Variants in TNFRSF10D observed in about 807,000 individuals in gnomAD.
TNFRSF10D encodes the protein TNF receptor superfamily member 10d, also known as tumor necrosis factor receptor superfamily member 10D.
In TNFRSF10D, 28 loss-of-function variants were observed where a neutral mutation model predicts 42.1. The observed-to-expected ratio is 0.66, with a 90% confidence interval of 0.49 to 0.91. The LOEUF (loss-of-function observed/expected upper bound fraction) is 0.91, where lower values mean the gene tolerates loss of function less well. Among genes scored for constraint, TNFRSF10D ranks in the 40% least tolerant of loss-of-function variants. The pLI is 0.00. For synonymous variants in TNFRSF10D, 186 were observed against 189.4 expected (o/e 0.98, Z 0.15); for missense variants, 503 against 486.1 (o/e 1.03, Z -0.33).
At chr8:23,144,729 C>T (rs1159386967) in intron 6 of TNFRSF10D, 94 bp from the exon 7 acceptor site, 29 of 1,447,996 alleles carry the variant, frequency 2.0e-5, no homozygotes, top group Non-Finnish European at 2.5e-5. Context: ...CAACCCCTTC[C>T]AATGAGGTCA....
chr8:23,157,897 G>C (rs2128839566), intron 1 of TNFRSF10D, among the ~76,000 whole-genome samples: 1 of 152,306 alleles, frequency 6.6e-6, no homozygotes, highest in East Asian at 1.9e-4. Context: ...GTTGATAACC[G>C]TGTCTCTAAA....
At chr8:23,156,264 AATTT>A (rs1161910539) in intron 1 of TNFRSF10D, among the ~76,000 whole-genome samples, 531 of 151,642 alleles carry the variant, frequency 3.5e-3, no homozygotes, top group African/African-American at 0.011. Context: ...TTTAATTGTA[AATTT>A]ACATTTAATT....
chr8:23,162,179 G>A (rs1448664576), intron 1 of TNFRSF10D, among the ~76,000 whole-genome samples: 1 of 152,240 alleles, frequency 6.6e-6, no homozygotes, highest in East Asian at 1.9e-4. Flanking sequence ...AAGCAACTGT[G>A]CATTGAAATG....
chr8:23,138,167 C>A (rs759152383), intron 8 of TNFRSF10D, 21 bp downstream of exon 8: 1 of 1,614,244 alleles, frequency 6.2e-7, no homozygotes, highest in Admixed American at 1.7e-5. Flanking sequence ...CCTGCTGCGT[C>A]TCAAGGCACA....
chr8:23,152,360 C>G (rs757022145), intron 2 of TNFRSF10D, among the ~76,000 whole-genome samples: 15 of 152,136 alleles, frequency 9.9e-5, no homozygotes, highest in Non-Finnish European at 2.1e-4. Flanking sequence ...TGGGACTACA[C>G]CTTTATAAAG....
intron 1 of TNFRSF10D, among the ~76,000 whole-genome samples, chr8:23,157,214 A>C (rs895510176): frequency 6.6e-6 from 1 of 151,452 alleles, no homozygotes; most frequent in African/African-American, 2.4e-5. Flanking sequence ...CAATTTTTTT[A>C]ATAGACACAT....
At chr8:23,149,651 A>G (rs962730384) in intron 2 of TNFRSF10D, among the ~76,000 whole-genome samples, 2 of 151,594 alleles carry the variant, frequency 1.3e-5, no homozygotes, top group Non-Finnish European at 2.9e-5. Flanking sequence ...CTGTCCACTC[A>G]CTATGGTGGC....
At chr8:23,146,911 G>A in intron 4 of TNFRSF10D, 50 bp downstream of exon 4, 1 of 1,452,652 alleles carries the variant, frequency 6.9e-7, no homozygotes, top group Non-Finnish European at 9.7e-7. Flanking sequence ...GGTGAATCAG[G>A]TCTTTTCAGG....
intron 2 of TNFRSF10D, among the ~76,000 whole-genome samples, chr8:23,154,381 T>G (rs561715296): frequency 6.4e-4 from 96 of 150,280 alleles, no homozygotes; most frequent in Non-Finnish European, 1.1e-3. Flanking sequence ...TGGAACAAAC[T>G]CTGCACTTAC....
chr8:23,154,302 A>T (rs962550690), intron 2 of TNFRSF10D, among the ~76,000 whole-genome samples: 2 of 152,230 alleles, frequency 1.3e-5, no homozygotes, highest in Non-Finnish European at 2.9e-5. Context: ...ATTGTGTGAC[A>T]TGGTGACTAC....
At chr8:23,157,466 A>T (rs1180989064) in intron 1 of TNFRSF10D, among the ~76,000 whole-genome samples, 1 of 152,106 alleles carries the variant, frequency 6.6e-6, no homozygotes, top group Non-Finnish European at 1.5e-5. Context: ...ATATCCCAGA[A>T]CCCAGTCTAT....
intron 7 of TNFRSF10D, among the ~76,000 whole-genome samples, chr8:23,141,987 A>T (rs562515776): frequency 1.3e-3 from 197 of 150,906 alleles, no homozygotes; most frequent in African/African-American, 4.3e-3. Flanking sequence ...AAGAAAACAA[A>T]TCTGCTGGGC....
At chr8:23,145,363 T>C (rs1585259529) in intron 5 of TNFRSF10D, among the ~76,000 whole-genome samples, 1 of 152,250 alleles carries the variant, frequency 6.6e-6, no homozygotes, top group Non-Finnish European at 1.5e-5. Flanking sequence ...CTGACCCTTG[T>C]CACCCAGTTG....
At chr8:23,163,710 G>T in intron 1 of TNFRSF10D, 76 bp downstream of exon 1, 1 of 1,551,492 alleles carries the variant, frequency 6.4e-7, no homozygotes, top group Non-Finnish European at 8.7e-7. Context: ...CATCCCCACC[G>T]TGTCCCCCTC....
At chr8:23,162,141 T>A (rs7463799) in intron 1 of TNFRSF10D, among the ~76,000 whole-genome samples, 1 of 152,144 alleles carries the variant, frequency 6.6e-6, no homozygotes, top group East Asian at 1.9e-4. Context: ...ACATCTAATG[T>A]GATTTGTGCT....
At chr8:23,138,441 C>G (rs1585256434) in intron 7 of TNFRSF10D, among the ~76,000 whole-genome samples, 181 bp from the exon 8 acceptor site, 1 of 152,158 alleles carries the variant, frequency 6.6e-6, no homozygotes, top group Admixed American at 6.5e-5. Flanking sequence ...CTCATTGAGA[C>G]ATAAGTGACA....
chr8:23,146,332 C>T (rs1043166931), intron 4 of TNFRSF10D, among the ~76,000 whole-genome samples: 5 of 152,194 alleles, frequency 3.3e-5, no homozygotes, highest in African/African-American at 9.6e-5. Flanking sequence ...CTGGTTCCTC[C>T]CAACCACAGC....
intron 1 of TNFRSF10D, among the ~76,000 whole-genome samples, chr8:23,159,812 G>A (rs10094521): frequency 0.25 from 37,774 of 151,940 alleles, 5,312 homozygotes; most frequent in East Asian, 0.59. Flanking sequence ...GCAGTGAGCC[G>A]AGATTGCACC....
In TNFRSF10D at chr8:23,138,739, T is replaced by A. The variant is rs115839936; in HGVS notation, c.955-479A>T. ...TCAGTACTCTACCATATCAATAGCG[T>A]AATTAAATAAAATGGCAGTCTCTAT... On this transcript the variant is annotated intron_variant, in intron 7 of 8. Transcript: ENST00000312584. Among the ~76,000 whole-genome samples, 869 of 152,308 alleles carry A rather than the reference T, an allele frequency of 5.7e-3. 7 individuals carry two copies. The highest frequency in any genetic ancestry group is 0.02 in the African/African-American group (838 of 41,562).
Sources: allele counts gnomAD v4.1 joint callset (sites outside exome capture counted in the v4.1 genomes callset), GRCh38; gene constraint gnomAD v4.1.1; transcripts MANE v1.5; gene names NCBI Gene and HGNC (gene_info 2026-07-23, HGNC 2026-07-21).